MTHFD1L: variants seen among roughly 807,000 people sequenced by gnomAD.
MTHFD1L encodes monofunctional C1-tetrahydrofolate synthase, mitochondrial.
In MTHFD1L, 81 loss-of-function variants were observed where a neutral mutation model predicts 119.5. The ratio of observed to expected loss-of-function variants is 0.68; its 90% CI spans 0.57 to 0.82. MTHFD1L has a LOEUF of 0.82. MTHFD1L is among the 40% of genes least tolerant of loss of function. MTHFD1L has a pLI of 0.00. For synonymous variants in MTHFD1L, 430 were observed against 475.2 expected, an observed-to-expected ratio of 0.90 and a Z score of 1.24; for missense variants, 1,125 against 1,253.4, an observed-to-expected ratio of 0.90 and a Z score of 1.55.
In MTHFD1L at chr6:150,926,934, A is replaced by G. The variant is rs1328481980; in HGVS notation, c.1256+639A>G. Among the ~76,000 whole-genome samples the G allele has an allele frequency of 6.6e-6, 1 of 152,178 alleles. No individual in the cohort carries two copies. Among genetic ancestry groups the G allele is most frequent in the Non-Finnish European group, 1.5e-5 (1 of 68,038 alleles). On this transcript the variant is annotated intron_variant, in intron 11 of 27. Transcript: ENST00000367321. This position sits in a 1 kb window ranked among gnomAD's most constrained non-coding sequence, Gnocchi z 4.3. ...AAGATGATAGAAAGCAAGGGATTTC[A>G]AATATTTATTCAGTGTGACCTGAGG...
chr6:150,920,745 G>A (rs1788756331), intron 9 of MTHFD1L, among the ~76,000 whole-genome samples: 1 of 151,112 alleles, frequency 6.6e-6, no homozygotes, highest in Admixed American at 6.6e-5. Context: ...TGTACATGAT[G>A]TCTTTTGTGA....
At chr6:150,901,804 A>G (rs1251642124) in intron 7 of MTHFD1L, among the ~76,000 whole-genome samples, 1 of 152,202 alleles carries the variant, frequency 6.6e-6, no homozygotes, top group East Asian at 1.9e-4. Context: ...TTTTAAAGTA[A>G]TGTTCATCAT....
intron 24 of MTHFD1L, among the ~76,000 whole-genome samples, chr6:151,020,395 T>C (rs1783786965): frequency 6.6e-6 from 1 of 152,202 alleles, no homozygotes; most frequent in African/African-American, 2.4e-5. Flanking sequence ...AGCTCACAGG[T>C]TAAGTGAGAA....
At chr6:150,893,929 G>A (rs1487097248) in intron 7 of MTHFD1L, among the ~76,000 whole-genome samples, 3 of 152,146 alleles carry the variant, frequency 2.0e-5, no homozygotes, top group African/African-American at 7.2e-5. Context: ...ACTTTATGGG[G>A]CAGTTGTGGG....
intron 26 of MTHFD1L, among the ~76,000 whole-genome samples, chr6:151,049,319 G>A (rs1788616329): frequency 1.3e-5 from 2 of 152,128 alleles, no homozygotes; most frequent in South Asian, 4.1e-4. Context: ...GTGAAACCCT[G>A]TCTCTACTAA....
intron 17 of MTHFD1L, chr6:150,959,178 A>G (rs1412252841): frequency 1.0e-6 from 1 of 984,334 alleles, no homozygotes; most frequent in East Asian, 1.1e-4. Flanking sequence ...TCACTAAATC[A>G]GTGACTAATG....
At chr6:150,958,841 C>T (rs1583801577) in intron 17 of MTHFD1L, among the ~76,000 whole-genome samples, 1 of 152,140 alleles carries the variant, frequency 6.6e-6, no homozygotes, top group African/African-American at 2.4e-5. Flanking sequence ...GACAGTGATA[C>T]TTTAATTGAC....
chr6:150,865,733 G>GCCGCCGCCA lies in MTHFD1L; in HGVS notation c.-82_-81insACCGCCGCC. 9.0e-7 allele frequency: 1 copy of GCCGCCGCCA among 1,116,572 alleles called. No individual in the cohort carries two copies. Among genetic ancestry groups the GCCGCCGCCA allele is most frequent in the Non-Finnish European group, 1.1e-6 (1 of 907,520 alleles). 69.2% of individuals were successfully genotyped at this position (1,116,572 alleles called of 1,614,324 possible). A position where few individuals can be genotyped will look rare whatever the true frequency, so the allele number is the denominator to read the frequency against. ...GCGCCAGGTCCTTCCCGCCGCCGCC[G>GCCGCCGCCA]CCGCCGCCGCCGCCTGCTCCCCTGG... is the stretch of plus-strand genomic sequence containing the variant. On this transcript the variant is annotated 5_prime_UTR_variant, in exon 1 of 28. Coordinates refer to ENST00000367321, the MANE Select transcript of MTHFD1L (RefSeq NM_015440.5).
intron 1 of MTHFD1L, among the ~76,000 whole-genome samples, chr6:150,870,954 TA>T (rs1456008166): frequency 7.1e-6 from 1 of 141,718 alleles, no homozygotes; most frequent in African/African-American, 2.5e-5. Context: ...AAAACATATA[TA>T]TATATATTAT....
intron 20 of MTHFD1L, among the ~76,000 whole-genome samples, chr6:150,987,264 C>T (rs1017462666): frequency 3.3e-5 from 5 of 152,178 alleles, no homozygotes; most frequent in Non-Finnish European, 7.4e-5. Context: ...TTTGAGACCC[C>T]TTTATAGAGG....
intron 11 of MTHFD1L, among the ~76,000 whole-genome samples, chr6:150,930,600 A>G (rs1211393170): frequency 6.6e-6 from 1 of 152,050 alleles, no homozygotes; most frequent in African/African-American, 2.4e-5. Context: ...CATGCTATAA[A>G]TATCATTTTT....
At chr6:150,866,283 G>C (rs1778286850) in intron 1 of MTHFD1L, 1 of 1,468,192 alleles carries the variant, frequency 6.8e-7, no homozygotes, top group Non-Finnish European at 9.0e-7. Context: ...GCAGGTGGGC[G>C]TGGGCATCTC....
At chr6:150,932,389 G>C (rs1241607084) in intron 11 of MTHFD1L, among the ~76,000 whole-genome samples, 2 of 152,072 alleles carry the variant, frequency 1.3e-5, no homozygotes, top group Non-Finnish European at 2.9e-5. Context: ...TATCAGAGAG[G>C]GGGTACAGAA....
chr6:150,880,455 G>A (rs1781222377), intron 4 of MTHFD1L, among the ~76,000 whole-genome samples: 1 of 152,208 alleles, frequency 6.6e-6, no homozygotes, highest in Non-Finnish European at 1.5e-5. Context: ...TTTTATGGTT[G>A]AATGATACTC....
intron 20 of MTHFD1L, among the ~76,000 whole-genome samples, chr6:150,999,913 C>G (rs1780365120): frequency 6.6e-6 from 1 of 152,226 alleles, no homozygotes; most frequent in Non-Finnish European, 1.5e-5. Context: ...CTTACTTTCT[C>G]TATCGCTTTT....
chr6:151,010,483 T>G (rs1782062161), intron 21 of MTHFD1L, among the ~76,000 whole-genome samples: 1 of 152,236 alleles, frequency 6.6e-6, no homozygotes, highest in Admixed American at 6.5e-5. Flanking sequence ...TTTATTATGA[T>G]TTCTCCTCAC....
At chr6:151,064,573 A>G (rs1002286337) in intron 26 of MTHFD1L, among the ~76,000 whole-genome samples, 1 of 152,098 alleles carries the variant, frequency 6.6e-6, no homozygotes, top group Non-Finnish European at 1.5e-5. Context: ...TCGGCCTCCC[A>G]AAGTGCTGGA....
At chr6:151,050,037 C>T (rs1788771599) in intron 26 of MTHFD1L, among the ~76,000 whole-genome samples, 1 of 152,166 alleles carries the variant, frequency 6.6e-6, no homozygotes, top group Non-Finnish European at 1.5e-5. Flanking sequence ...AAGGGGATTC[C>T]AGATAGCCAG....
At chr6:150,991,401 A>G (rs969611757) in intron 20 of MTHFD1L, among the ~76,000 whole-genome samples, 4 of 152,218 alleles carry the variant, frequency 2.6e-5, no homozygotes, top group African/African-American at 9.6e-5. Flanking sequence ...TCCAATTTGT[A>G]TGAGATTTAT....
Sources: gnomAD v4.1 joint callset for allele counts (sites outside exome capture counted in the v4.1 genomes callset) on GRCh38, gnomAD v4.1.1 for gene constraint, Gnocchi (gnomAD v3.1) non-coding constraint, MANE v1.5 for transcripts, NCBI Gene and HGNC (gene_info 2026-07-23, HGNC 2026-07-21) for gene names.